The following MTSS1 variants were observed in gnomAD, a reference collection of about 807,000 sequenced individuals.
MTSS1 encodes protein MTSS 1.
Under a neutral mutation model 79.0 loss-of-function variants are expected in MTSS1, and 18 were observed. The ratio of observed to expected loss-of-function variants is 0.23; its 90% CI spans 0.16 to 0.34. The LOEUF is 0.34. Among genes scored for constraint, MTSS1 ranks in the 10% least tolerant of loss-of-function variants. MTSS1 has a pLI of 1.00. For synonymous variants in MTSS1, 341 were observed against 368.6 expected (o/e 0.93, Z 0.86); for missense variants, 815 against 986.2 (o/e 0.83, Z 2.33).
intron 3 of MTSS1, among the ~76,000 whole-genome samples, chr8:124,664,329 C>A (rs1332630820): frequency 6.6e-6 from 1 of 152,232 alleles, no homozygotes; most frequent in Non-Finnish European, 1.5e-5. Flanking sequence ...CGAGGCCCGT[C>A]TCTAGATAAA....
At chr8:124,558,130 A>G in intron 10 of MTSS1, 1 of 411,384 alleles carries the variant, frequency 2.4e-6, no homozygotes. Flanking sequence ...TTGGAAATTG[A>G]TCAGTGCCCT....
intron 3 of MTSS1, among the ~76,000 whole-genome samples, chr8:124,657,459 T>C (rs2134294778): frequency 6.8e-6 from 1 of 147,946 alleles, no homozygotes; most frequent in South Asian, 2.1e-4. Context: ...ACATGTGTTA[T>C]TAAAGGCAGA....
Position 124,552,788 on chromosome 8 carries a change from A to G in MTSS1, c.*204T>C, listed in dbSNP as rs896881840. Reference sequence around the variant, plus strand: ...AAAATGTGCAGAAAGAAAATTGTCAATATTTACAAATTAAAAGATCAAGAT... The same window carrying G: ...AAAATGTGCAGAAAGAAAATTGTCAGTATTTACAAATTAAAAGATCAAGAT... On this transcript the variant is annotated 3_prime_UTR_variant, in exon 14 of 14. Coordinates refer to ENST00000518547, the MANE Select transcript of MTSS1 (RefSeq NM_014751.6). The G allele has an allele frequency of 1.4e-4, 68 of 499,108 alleles. No individual in the cohort carries two copies. The highest frequency in any genetic ancestry group is 1.8e-4 in the South Asian group (4 of 22,506). 30.9% of individuals were successfully genotyped at this position (499,108 alleles called of 1,614,324 possible).
chr8:124,638,056 T>A (rs1035853922), intron 3 of MTSS1, among the ~76,000 whole-genome samples: 3 of 152,256 alleles, frequency 2.0e-5, no homozygotes, highest in African/African-American at 7.2e-5. Context: ...AAGAATCACC[T>A]GAGACATTTC....
chr8:124,718,987 T>C (rs1041687726), intron 1 of MTSS1, among the ~76,000 whole-genome samples: 2 of 152,176 alleles, frequency 1.3e-5, no homozygotes, highest in African/African-American at 4.8e-5. Context: ...TGTGTGTTCT[T>C]ATCTGTCTCA....
intron 3 of MTSS1, among the ~76,000 whole-genome samples, chr8:124,602,297 G>A (rs897534485): frequency 2.7e-5 from 4 of 150,652 alleles, no homozygotes; most frequent in Non-Finnish European, 5.9e-5. Flanking sequence ...CCTCCTGGGT[G>A]CAAGCAATCC....
Position 124,553,096 on chromosome 8 carries a change from G to A in MTSS1, c.2164C>T (p.Pro722Ser). The change falls in exon 14 of 14, where the codon CCA becomes TCA. Residue 722 changes from proline (P) to serine (S), a missense_variant. Physicochemically the swap from Pro to Ser is moderately conservative, Grantham distance 74. This residue lies in a region of MTSS1 where 590 missense variants were observed against 620.8 expected (regional missense o/e 0.95). Transcript: ENST00000518547. The surrounding 1 kb of genome is among the most constrained non-coding windows in gnomAD (Gnocchi z 6.0). Reference protein sequence around the residue: ...IPESDPADLSPRDTPQGEDML... With the variant: ...IPESDPADLSSRDTPQGEDML... The stretch of plus-strand genomic sequence containing the variant: ...TCTTCTCCTTGTGGAGTATCCCTTG[G>A]GCTCAGGTCTGCAGGGTCACTCTCT... The A allele has an allele frequency of 1.9e-6, 3 of 1,614,104 alleles. No individual in the cohort carries two copies. The highest frequency in any genetic ancestry group is 1.1e-5 in the South Asian group (1 of 91,084).
chr8:124,653,130 G>A (rs1820307580), intron 3 of MTSS1, among the ~76,000 whole-genome samples: 2 of 152,218 alleles, frequency 1.3e-5, no homozygotes, highest in Admixed American at 1.3e-4. Context: ...GAGCTAGGCA[G>A]ATGGGAAAGA....
rs764659389 is a variant in MTSS1 at position 124,557,755 on chromosome 8, G to A, written c.1156C>T (p.His386Tyr). ...TAATAATGAGCGTAGTCTGGAAGGT[G>A]GACAGAGGTGACCCGAGGGAGCAGG... The part of the protein sequence containing the change: ...SRLLPRVTSV[H>Y]LPDYAHYYTI... Residue 386 changes from histidine (H) to tyrosine (Y), a missense_variant, in exon 11 of 14, where the codon CAC (histidine) becomes TAC (tyrosine). By Grantham distance (83) the His-to-Tyr change is moderately conservative. Transcript: ENST00000518547. The A allele has an allele frequency of 1.2e-6, 2 of 1,604,718 alleles. No individual in the cohort carries two copies. Among genetic ancestry groups the A allele is most frequent in the Non-Finnish European group, 1.7e-6 (2 of 1,175,708 alleles).
chr8:124,557,607 T>G (rs1586777072), intron 11 of MTSS1, 74 bp downstream of exon 11: 5 of 1,338,128 alleles, frequency 3.7e-6, no homozygotes, highest in Non-Finnish European at 3.1e-6. Context: ...ATAGTCGGGG[T>G]GAGGGGGTTG....
At chr8:124,643,209 C>A (rs1369934311) in intron 3 of MTSS1, among the ~76,000 whole-genome samples, 2 of 152,112 alleles carry the variant, frequency 1.3e-5, no homozygotes, top group Non-Finnish European at 2.9e-5. Flanking sequence ...GGCAATCCCA[C>A]ATGAGGACTC....
In MTSS1 at chr8:124,717,750, C is replaced by T. The variant is rs546456543; in HGVS notation, c.72+10134G>A. Among the ~76,000 whole-genome samples, 33 of 152,110 alleles carry T rather than the reference C, an allele frequency of 2.2e-4. 1 individual carries two copies. The highest frequency in any genetic ancestry group is 7.0e-4 in the African/African-American group (29 of 41,536). ...AAGAAAAACAGCAACAGTGCTTTTT[C>T]CCCATTGCACATAATCCTACTATAC... is the stretch of plus-strand genomic sequence containing the variant. On this transcript the variant is annotated intron_variant, in intron 1 of 13. Transcript: ENST00000518547.
Position 124,671,915 on chromosome 8 carries a change from C to T in MTSS1, c.208+27611G>A, listed in dbSNP as rs977075543. Reference sequence around the variant, plus strand: ...GGCAAGGCAAAAGCTCAATTTTTGCCATATTCAGTGACCATCAGGAAATTT... The same window carrying T: ...GGCAAGGCAAAAGCTCAATTTTTGCTATATTCAGTGACCATCAGGAAATTT... On this transcript the variant is annotated intron_variant, in intron 3 of 13. Coordinates refer to ENST00000518547, the MANE Select transcript of MTSS1 (RefSeq NM_014751.6). Among the ~76,000 whole-genome samples, 10 of 152,132 alleles carry T rather than the reference C, an allele frequency of 6.6e-5. 1 individual carries two copies. Among genetic ancestry groups the T allele is most frequent in the Admixed American group, 3.9e-4 (6 of 15,270 alleles).
At chr8:124,695,263 C>T (rs1376450087) in intron 3 of MTSS1, among the ~76,000 whole-genome samples, 2 of 152,062 alleles carry the variant, frequency 1.3e-5, no homozygotes, top group Non-Finnish European at 2.9e-5. Context: ...GCTTGAAATG[C>T]TGGGCACTTG....
chr8:124,595,036 G>A (rs1218288359), intron 3 of MTSS1, among the ~76,000 whole-genome samples: 2 of 152,060 alleles, frequency 1.3e-5, no homozygotes, highest in East Asian at 1.9e-4. Context: ...CTGTGTTCTC[G>A]GTACCTAGCA....
intron 5 of MTSS1, among the ~76,000 whole-genome samples, chr8:124,588,403 T>C (rs4007923): frequency 0.41 from 61,974 of 152,128 alleles, 13,275 homozygotes; most frequent in Middle Eastern, 0.5. Context: ...CAGAATGACC[T>C]GAACAGGGGA....
chr8:124,578,477 C>T (rs1829413707), intron 6 of MTSS1, among the ~76,000 whole-genome samples: 1 of 152,068 alleles, frequency 6.6e-6, no homozygotes, highest in African/African-American at 2.4e-5. Flanking sequence ...CTCTCTGCCC[C>T]CAGGTTACAC....
At chr8:124,657,229 T>C (rs1485119974) in intron 3 of MTSS1, among the ~76,000 whole-genome samples, 1 of 152,116 alleles carries the variant, frequency 6.6e-6, no homozygotes, top group East Asian at 1.9e-4. Context: ...CACTTTGCTT[T>C]ACAATACTGC....
At chr8:124,707,074 T>C (rs750612706) in intron 1 of MTSS1, among the ~76,000 whole-genome samples, 1 of 152,120 alleles carries the variant, frequency 6.6e-6, no homozygotes, top group African/African-American at 2.4e-5. Context: ...GATGAAAAGC[T>C]TTCTGAGAAA....
Sources: allele counts gnomAD v4.1 joint callset (sites outside exome capture counted in the v4.1 genomes callset), GRCh38; gene constraint gnomAD v4.1.1; regional missense constraint gnomAD v4.1.1; non-coding constraint Gnocchi (gnomAD v3.1); transcripts MANE v1.5; gene names NCBI Gene and HGNC (gene_info 2026-07-23, HGNC 2026-07-21).